CEMIP: variants seen among roughly 807,000 people sequenced by gnomAD.
CEMIP encodes cell migration inducing hyaluronidase 1.
CEMIP carries 105 observed loss-of-function variants against 156.9 expected under a neutral mutation model. That is an observed-to-expected ratio of 0.67 (90% CI 0.57 to 0.79). CEMIP has a LOEUF of 0.79. Among genes scored for constraint, CEMIP ranks in the 30% least tolerant of loss-of-function variants. The probability of loss-of-function intolerance (pLI) is 0.00; values close to 1 mark genes in which losing one functional copy is unlikely to be tolerated. For missense variants in CEMIP, 1,457 were observed against 1,769.4 expected (o/e 0.82, Z 3.17); for synonymous variants, 676 against 668.4 (o/e 1.01, Z -0.17).
intron 1 of CEMIP, among the ~76,000 whole-genome samples, chr15:80,858,565 A>AT (rs1217982327): frequency 1.1e-3 from 168 of 151,838 alleles, no homozygotes; most frequent in Non-Finnish European, 2.2e-3. Flanking sequence ...AAAAAAAAAA[A>AT]AAATACAAAA....
intron 3 of CEMIP, 116 bp from the exon 4 acceptor site, chr15:80,878,605 C>A: frequency 7.3e-7 from 1 of 1,375,092 alleles, no homozygotes; most frequent in Non-Finnish European, 1.0e-6. Flanking sequence ...GCTTTTAGCT[C>A]TAACAGAGAG....
At chr15:80,943,371 A>G (rs1303210983) in intron 28 of CEMIP, among the ~76,000 whole-genome samples, 1 of 152,162 alleles carries the variant, frequency 6.6e-6, no homozygotes, top group Non-Finnish European at 1.5e-5. Flanking sequence ...GGCCCTCTTC[A>G]CTACACTCCC....
chr15:80,875,298 G>T (rs531593661), intron 3 of CEMIP, among the ~76,000 whole-genome samples: 4 of 152,166 alleles, frequency 2.6e-5, no homozygotes, highest in Admixed American at 2.6e-4. Flanking sequence ...GTCTCCCAAA[G>T]TGCTGGGATT....
chr15:80,780,852 T>A (rs7176363), intron 1 of CEMIP, among the ~76,000 whole-genome samples: 1 of 151,984 alleles, frequency 6.6e-6, no homozygotes, highest in Non-Finnish European at 1.5e-5. Flanking sequence ...GTCGTGCGCT[T>A]TCTTCCCAGA....
rs75306680 is a variant in CEMIP, at chr15:80,793,959, A to G, written c.-176+14345A>G. On this transcript the variant is annotated intron_variant, in intron 1 of 29. Transcript: ENST00000394685. ...TTATTAACACTAGGGTCATCTTTGAACTTAAGTAGAATGCTTTTGTCAAGT... is the reference window on the plus strand; with the variant it reads ...TTATTAACACTAGGGTCATCTTTGAGCTTAAGTAGAATGCTTTTGTCAAGT... 1.6e-3 allele frequency among the ~76,000 whole-genome samples: 245 copies of G among 152,334 alleles called. 2 individuals carry two copies. Among genetic ancestry groups the G allele is most frequent in the African/African-American group, 5.7e-3 (238 of 41,574 alleles).
In CEMIP at chr15:80,810,391, G is replaced by A. The variant is rs78614088; in HGVS notation, c.-176+30777G>A. On this transcript the variant is annotated intron_variant, in intron 1 of 29. Coordinates refer to ENST00000394685, the MANE Select transcript of CEMIP (RefSeq NM_001293298.2). The stretch of plus-strand genomic sequence containing the variant: ...TTGTTTGTTTGTTTGTTTTTGAGAC[G>A]GAGTCTCACTCTGTCACCCAGGCTG... Among the ~76,000 whole-genome samples, 144 of 151,968 alleles carry A rather than the reference G, an allele frequency of 9.5e-4. 2 individuals carry two copies. Among genetic ancestry groups the A allele is most frequent in the East Asian group, 1.6e-3 (8 of 5,158 alleles).
intron 1 of CEMIP, among the ~76,000 whole-genome samples, chr15:80,801,747 T>G (rs932481264): frequency 1.3e-5 from 2 of 152,200 alleles, no homozygotes; most frequent in Non-Finnish European, 2.9e-5. Context: ...ACAATTGGCC[T>G]TCCATACTGT....
intron 1 of CEMIP, among the ~76,000 whole-genome samples, chr15:80,801,332 G>C (rs1239288473): frequency 6.6e-6 from 1 of 152,212 alleles, no homozygotes; most frequent in Admixed American, 6.5e-5. Flanking sequence ...GGCTGGTCTA[G>C]GATGGCCTCA....
At chr15:80,792,700 T>G (rs1282678912) in intron 1 of CEMIP, among the ~76,000 whole-genome samples, 1 of 152,152 alleles carries the variant, frequency 6.6e-6, no homozygotes, top group Non-Finnish European at 1.5e-5. Flanking sequence ...TTTACAAACT[T>G]TAAACCTTTG....
Position 80,937,872 on chromosome 15 carries a change from G to A in CEMIP, c.3300G>A (p.Leu1100=), listed in dbSNP as rs1370847210. Residue 1100 remains leucine (L), a synonymous_variant, in exon 25 of 30, where the codon CTG becomes CTA. Transcript: ENST00000394685. ...TCCTCTCGGATGTTCACAATCGCCT[G>A]CTGAAGCAAACGTCCAAGACGGGCG... is the stretch of plus-strand genomic sequence containing the variant. The part of the protein sequence containing the change: ...FSILSDVHNR[L]LKQTSKTGVF... The A allele has an allele frequency of 6.8e-6, 11 of 1,614,114 alleles. No individual in the cohort carries two copies. The highest frequency in any genetic ancestry group is 2.2e-5 in the East Asian group (1 of 44,892).
chr15:80,950,045 C>A lies in CEMIP; in HGVS notation c.*1121C>A, dbSNP rs932695177. 2 of 152,326 alleles carry A rather than the reference C, an allele frequency of 1.3e-5. No homozygotes were observed. Among genetic ancestry groups the A allele is most frequent in the Non-Finnish European group, 2.9e-5 (2 of 68,140 alleles). The allele number at this position is 152,326 out of a possible 1,614,324, so 9.4% of individuals were successfully genotyped here. A position where few individuals can be genotyped will look rare whatever the true frequency, so the allele number is the denominator to read the frequency against. On this transcript the variant is annotated 3_prime_UTR_variant, in exon 30 of 30. Coordinates refer to ENST00000394685, the MANE Select transcript of CEMIP (RefSeq NM_001293298.2). ...GGAATTCAGTCCCCAGGCAGCCCTG[C>A]CTCTGACTCCAAGAGGGTGAAGTCC...
chr15:80,931,978 A>G lies in CEMIP; in HGVS notation c.2732A>G (p.Asn911Ser). 6.2e-7 allele frequency: 1 copy of G among 1,614,216 alleles called. No homozygotes were observed. The highest frequency in any genetic ancestry group is 1.3e-5 in the African/African-American group (1 of 75,070). Residue 911 changes from asparagine to serine, a missense_variant, in exon 22 of 30, where the codon AAT (asparagine) becomes AGT (serine). Transcript: ENST00000394685. ...ACCAGCGCCCTGGCCTTCCGCCTGA[A>G]TAATGCCTGGCAGAGCTGCCCCCAT... Reference protein sequence around the residue: ...RHTSALAFRLNNAWQSCPHNN... With the variant: ...RHTSALAFRLSNAWQSCPHNN...
intron 6 of CEMIP, among the ~76,000 whole-genome samples, chr15:80,882,128 G>A (rs917255202): frequency 1.3e-5 from 2 of 152,186 alleles, no homozygotes; most frequent in Admixed American, 6.5e-5. Context: ...AAGGCAGCAG[G>A]AGCCAGCTAC....
chr15:80,874,031 C>T, intron 3 of CEMIP, 58 bp downstream of exon 3: 1 of 1,477,120 alleles, frequency 6.8e-7, no homozygotes, highest in African/African-American at 1.4e-5. Context: ...CGGCCCCTCA[C>T]TGGAGCAAGG....
At chr15:80,923,939 G>C (rs1900564403) in intron 17 of CEMIP, among the ~76,000 whole-genome samples, 1 of 152,162 alleles carries the variant, frequency 6.6e-6, no homozygotes, top group Non-Finnish European at 1.5e-5. Flanking sequence ...ATAAGCCAGA[G>C]GGAGAATGAA....
Position 80,806,249 on chromosome 15 carries a change from C to T in CEMIP, c.-176+26635C>T, listed in dbSNP as rs1010123626. Among the ~76,000 whole-genome samples, 5 of 152,204 alleles carry T rather than the reference C, an allele frequency of 3.3e-5. No homozygotes were observed. The East Asian group carries it at 7.7e-4, about 23-fold the overall frequency. On this transcript the variant is annotated intron_variant, in intron 1 of 29. Transcript: ENST00000394685. Reference sequence around the variant, plus strand: ...TTCGAGGTGCCTAGGTATTGTTTGACCTTGACTTGGTCCAAGGTATTCACT... The same window carrying T: ...TTCGAGGTGCCTAGGTATTGTTTGATCTTGACTTGGTCCAAGGTATTCACT...
At chr15:80,837,784 G>T (rs1479731823) in intron 1 of CEMIP, among the ~76,000 whole-genome samples, 2 of 152,360 alleles carry the variant, frequency 1.3e-5, no homozygotes, top group African/African-American at 4.8e-5. Flanking sequence ...TGGGGGCAAA[G>T]TTGCCCCGCT....
chr15:80,886,646 A>T (rs1898852278), intron 7 of CEMIP, among the ~76,000 whole-genome samples: 2 of 152,210 alleles, frequency 1.3e-5, no homozygotes, highest in South Asian at 4.1e-4. Flanking sequence ...ACACAAATGT[A>T]TTTCAGATAG....
At chr15:80,787,393 A>G (rs1895967241) in intron 1 of CEMIP, among the ~76,000 whole-genome samples, 1 of 152,238 alleles carries the variant, frequency 6.6e-6, no homozygotes. Context: ...GTTTCCCTCC[A>G]GGATGGGCAT....
Sources: allele counts gnomAD v4.1 joint callset (sites outside exome capture counted in the v4.1 genomes callset), GRCh38; gene constraint gnomAD v4.1.1; transcripts MANE v1.5; gene names NCBI Gene and HGNC (gene_info 2026-07-23, HGNC 2026-07-21).